The following MAGIX variants were observed in gnomAD, a reference collection of about 807,000 sequenced individuals.
The protein encoded by MAGIX is PDZ domain-containing protein MAGIX.
Under a neutral mutation model 10.0 loss-of-function variants are expected in MAGIX, and 13 were observed. The observed-to-expected ratio is 1.30, with a 90% CI of 0.84 to 2.06. The LOEUF is 2.06. Among genes scored for constraint, MAGIX ranks in the 30% most tolerant of loss-of-function variants. The pLI, the probability that MAGIX is intolerant of heterozygous loss-of-function variation, is 0.00. For synonymous variants in MAGIX, 108 were observed against 106.8 expected, an observed-to-expected ratio of 1.01 and a Z score of -0.07; for missense variants, 235 against 245.2, an observed-to-expected ratio of 0.96 and a Z score of 0.28.
chrX:49,164,819 C>T (rs782610773), exon 3 of MAGIX: 1 of 1,209,424 alleles, frequency 8.3e-7, no homozygotes, highest in East Asian at 3.0e-5. Context: ...TCGGAGGCCT[C>T]CTGCCTCAGG....
exon 5 of MAGIX, chrX:49,168,117 T>C (rs1222212974): frequency 2.7e-5 from 3 of 111,982 alleles, no homozygotes; most frequent in Non-Finnish European, 5.6e-5. Flanking sequence ...TTTCTTTGTG[T>C]AGCTGATGTA....
At position 49,166,269 on chromosome X, in the gene MAGIX, C is replaced by T. The variant is rs782818034; in HGVS notation, c.698C>T (p.Pro233Leu). The T allele has an allele frequency of 1.1e-5, 13 of 1,194,708 alleles. No individual in the cohort carries two copies. Among genetic ancestry groups the T allele is most frequent in the Non-Finnish European group, 1.2e-5 (11 of 887,172 alleles). The change falls in exon 5 of 5, where the codon CCC becomes CTC. Residue 233 changes from proline (P) to leucine (L), a missense_variant. Coordinates refer to ENST00000616266, the Ensembl canonical transcript of MAGIX. ...CCTCCTGAGCGCCGCGCTGAGGATC[C>T]CAACGACCAGATCCCGGGTTCCCCG...
chrX:49,163,859 G>A, exon 2 of MAGIX: 3 of 1,039,467 alleles, frequency 2.9e-6, no homozygotes, highest in Non-Finnish European at 3.7e-6. Flanking sequence ...CCCTGGCGGC[G>A]CGAGCTGCGG....
At chrX:49,166,833 A>C in exon 5 of MAGIX, 1 of 126,030 alleles carries the variant, frequency 7.9e-6, no homozygotes. Flanking sequence ...TCCTCTCCTT[A>C]TTCATTAATT....
At chrX:49,165,562 T>C (rs1424829558) in intron 4 of MAGIX, 7 of 381,346 alleles carry the variant, frequency 1.8e-5, no homozygotes, top group Non-Finnish European at 3.1e-5. Flanking sequence ...CAGGGAGGGG[T>C]GTCAGTCTCG....
chrX:49,166,418 G>A (rs1602590238), exon 5 of MAGIX: 1 of 1,096,409 alleles, frequency 9.1e-7, no homozygotes. Context: ...CTGACAGCGC[G>A]GGGCTCACTA....
chrX:49,166,294 G>T, exon 5 of MAGIX: 1 of 1,183,764 alleles, frequency 8.4e-7, no homozygotes, highest in East Asian at 3.1e-5. Context: ...CGGGTTCCCC[G>T]GGGCCCTGGC....
At chrX:49,166,301 T>C (rs781813284) in exon 5 of MAGIX, 206 of 1,180,379 alleles carry the variant, frequency 1.7e-4, no homozygotes, top group Admixed American at 5.8e-4. Flanking sequence ...CCCGGGGCCC[T>C]GGCTAGTGCC....
Position 49,166,057 on chromosome X carries a change from CCCAATCTAAT to C in MAGIX, c.503-14_503-5del, listed in dbSNP as rs782761371. 1 of 1,201,804 alleles carries C rather than the reference CCCAATCTAAT, an allele frequency of 8.3e-7. No individual in the cohort carries two copies. The highest frequency in any genetic ancestry group is 3.0e-5 in the East Asian group (1 of 33,664). ...TGGATTTCCCTTCCCTACTTCACCA[CCCAATCTAAT>C]CCGTAGTCCCGTCATGGCCAGATCG... is the stretch of plus-strand genomic sequence containing the variant. On this transcript the variant is annotated splice_region_variant and splice_polypyrimidine_tract_variant and intron_variant, in intron 4 of 4. Coordinates refer to ENST00000616266, the Ensembl canonical transcript of MAGIX.
exon 5 of MAGIX, chrX:49,166,726 G>C (rs781796236): frequency 4.5e-6 from 1 of 224,468 alleles, no homozygotes; most frequent in East Asian, 7.4e-5. Flanking sequence ...AATCGCTGAC[G>C]AGCTTCGTGC....
Position 49,163,627 on chromosome X carries a change from T to A in MAGIX, c.-201-156T>A, listed in dbSNP as rs1341938731. 86 of 433,255 alleles carry A rather than the reference T, an allele frequency of 2.0e-4. No homozygotes were observed. In the African/African-American group the frequency reaches 2.1e-3, roughly 11 times the overall value. 35.7% of individuals were successfully genotyped at this position (433,255 alleles called of 1,213,427 possible). A position where few individuals can be genotyped will look rare whatever the true frequency, so the allele number is the denominator to read the frequency against. ...CTACCCGCGACGGTCGGGGATCGCG[T>A]GAGGGGAGGGACAGCAGTGACCTCC... On this transcript the variant is annotated intron_variant, in intron 1 of 4. Coordinates refer to ENST00000616266, the Ensembl canonical transcript of MAGIX.
At chrX:49,165,430 C>T in intron 4 of MAGIX, 69 bp downstream of exon 5, 1 of 995,523 alleles carries the variant, frequency 1.0e-6, no homozygotes, top group Non-Finnish European at 1.3e-6. Context: ...AGTGGAGAAG[C>T]TGAGATTCTG....
intron 2 of MAGIX, chrX:49,164,418 G>A: frequency 2.4e-6 from 1 of 411,307 alleles, no homozygotes; most frequent in Middle Eastern, 6.7e-4. Flanking sequence ...TTGTTTGAGG[G>A]ATGTGTTCTG....
chrX:49,166,093 C>A (rs2065364651), exon 5 of MAGIX: 3 of 1,211,310 alleles, frequency 2.5e-6, no homozygotes, highest in Non-Finnish European at 1.1e-6. Flanking sequence ...GGCCAGATCG[C>A]AGCCCAGATC....
At chrX:49,164,074 TC>T (rs1183272387) in intron 2 of MAGIX, 145 bp downstream of exon 2, 12 of 513,809 alleles carry the variant, frequency 2.3e-5, no homozygotes, top group Non-Finnish European at 3.1e-5. Context: ...GGAGGGTGCT[TC>T]GAGTGGGAGG....
At chrX:49,164,228 G>A (rs1294554274) in intron 2 of MAGIX, 4 of 263,498 alleles carry the variant, frequency 1.5e-5, no homozygotes, top group Non-Finnish European at 2.7e-5. Flanking sequence ...TGGGGGGCGG[G>A]CACGCAGCGA....
exon 5 of MAGIX, chrX:49,167,913 G>T (rs5906745): frequency 0.085 from 9,475 of 111,663 alleles, 444 homozygotes; most frequent in Non-Finnish European, 0.12. Context: ...TGTCCATTTC[G>T]CAGAGGAGGA....
exon 5 of MAGIX, chrX:49,167,699 C>T (rs906573975): frequency 1.8e-5 from 2 of 111,208 alleles, no homozygotes; most frequent in African/African-American, 6.6e-5. Flanking sequence ...TTCCAGCTAC[C>T]CCTGACTTAG....
rs1178372387 is a variant in MAGIX at position 49,163,945 on chromosome X, A to G, written c.-55+16A>G. ...CGGAAGGAGGGTGAGTGACTGGCGC[A>G]GGGCCTCCGCTGGGGGAGGGTTCGG... On this transcript the variant is annotated intron_variant, in intron 2 of 4. Coordinates refer to ENST00000616266, the Ensembl canonical transcript of MAGIX. 1 of 1,008,263 alleles carries G rather than the reference A, an allele frequency of 9.9e-7. No individual in the cohort carries two copies. The highest frequency in any genetic ancestry group is 1.3e-6 in the Non-Finnish European group (1 of 793,474). 83.1% of individuals were successfully genotyped at this position (1,008,263 alleles called of 1,213,427 possible).
Sources: allele counts gnomAD v4.1 joint callset, GRCh38; gene constraint gnomAD v4.1.1; transcripts MANE v1.5; gene names NCBI Gene and HGNC (gene_info 2026-07-23, HGNC 2026-07-21).